Variants in DPH5 observed in about 807,000 individuals in gnomAD.
The protein encoded by DPH5 is diphthamide biosynthesis 5.
Under a neutral mutation model 31.6 loss-of-function variants are expected in DPH5, and 31 were observed. The observed-to-expected ratio is 0.98, with a 90% CI of 0.74 to 1.32. The LOEUF (loss-of-function observed/expected upper bound fraction) is 1.32. Ranked by LOEUF, DPH5 falls within the 40% of genes most tolerant of loss-of-function variation. The pLI is 0.00. For synonymous variants in DPH5, 120 were observed against 115.0 expected (o/e 1.04, Z -0.28); for missense variants, 309 against 335.7 (o/e 0.92, Z 0.62).
intron 6 of DPH5, among the ~76,000 whole-genome samples, chr1:100,994,041 CAA>C (rs1346490490): frequency 6.6e-6 from 1 of 151,694 alleles, no homozygotes; most frequent in African/African-American, 2.4e-5. Context: ...CACGCCCAGC[CAA>C]AAAAGGCAAA....
chr1:101,015,450 T>C (rs1030899014), intron 3 of DPH5, among the ~76,000 whole-genome samples: 4 of 152,254 alleles, frequency 2.6e-5, no homozygotes, highest in African/African-American at 9.6e-5. Flanking sequence ...CAGTGAACCA[T>C]GCTGTAAACA....
At position 100,989,904 on chromosome 1, in the gene DPH5, C is replaced by CA. The variant is rs1185496272; in HGVS notation, c.*503dup. ...CTGATGATATCATAGGGAAAAAACT[C>CA]ACTGCCACAAGAAACCAAGCATTGT... On this transcript the variant is annotated 3_prime_UTR_variant, in exon 8 of 8. Transcript: ENST00000370109. 1 of 153,998 alleles carries CA rather than the reference C, an allele frequency of 6.5e-6. No individual in the cohort carries two copies. The highest frequency in any genetic ancestry group is 1.4e-5 in the Non-Finnish European group (1 of 69,392). The allele number at this position is 153,998 out of a possible 1,614,324, so 9.5% of individuals were successfully genotyped here. A position where few individuals can be genotyped will look rare whatever the true frequency, so the allele number is the denominator to read the frequency against.
intron 4 of DPH5, among the ~76,000 whole-genome samples, chr1:101,006,210 G>A (rs182692876): frequency 3.3e-5 from 5 of 152,198 alleles, no homozygotes; most frequent in African/African-American, 9.6e-5. Flanking sequence ...CCAGTCTTGG[G>A]TATGTCTTTA....
intron 3 of DPH5, among the ~76,000 whole-genome samples, chr1:101,017,614 T>A (rs1660167634): frequency 6.6e-6 from 1 of 152,200 alleles, no homozygotes; most frequent in South Asian, 2.1e-4. Context: ...AACATTAGCA[T>A]GTCTGAGAAA....
At chr1:101,006,593 T>C (rs1028049301) in intron 4 of DPH5, among the ~76,000 whole-genome samples, 3 of 152,094 alleles carry the variant, frequency 2.0e-5, no homozygotes, top group Admixed American at 2.0e-4. Flanking sequence ...ACACTAAAAC[T>C]AGGTGTTCTT....
chr1:101,017,718 TAAC>T (rs1378712295), intron 3 of DPH5, among the ~76,000 whole-genome samples: 1 of 152,188 alleles, frequency 6.6e-6, no homozygotes, highest in Non-Finnish European at 1.5e-5. Context: ...AGATATATAT[TAAC>T]AAATTAACAA....
intron 6 of DPH5, among the ~76,000 whole-genome samples, chr1:100,994,877 T>C (rs1213248591): frequency 6.6e-6 from 1 of 152,172 alleles, no homozygotes; most frequent in Non-Finnish European, 1.5e-5. Context: ...CCACAAACAC[T>C]GAGTGTCTGT....
chr1:101,025,116 C>G (rs1660731707), intron 2 of DPH5, 193 bp downstream of exon 2: 1 of 646,702 alleles, frequency 1.5e-6, no homozygotes, highest in Middle Eastern at 4.3e-4. Flanking sequence ...TAGGACAAAG[C>G]ACCCTTTCAT....
In DPH5 at chr1:100,995,152, G is replaced by A. The variant is rs768930652; in HGVS notation, c.491-3C>T. 4 of 1,566,884 alleles carry A rather than the reference G, an allele frequency of 2.6e-6. No individual in the cohort carries two copies. Among genetic ancestry groups the A allele is most frequent in the Non-Finnish European group, 1.8e-6 (2 of 1,138,950 alleles). ...AGACTGCTCCTTTACTTTGATGTCT[G>A]TAGGAAGTAAAAATAGTTCTTTTAA... is the stretch of plus-strand genomic sequence containing the variant. On this transcript the variant is annotated splice_polypyrimidine_tract_variant and splice_region_variant and intron_variant, in intron 5 of 7. Transcript: ENST00000370109.
At position 100,990,472 on chromosome 1, in the gene DPH5, T is replaced by TC. The variant is rs766806247; in HGVS notation, c.793dup (p.Glu265GlyfsTer12). On this transcript the variant is annotated frameshift_variant, in exon 8 of 8. Coordinates refer to ENST00000370109, the MANE Select transcript of DPH5 (RefSeq NM_015958.3). LOFTEE classifies it high-confidence loss of function. ...TGGTATGGAAAACAGACTTAGCATCTCCATCTCCATTGGATGTATGCTGCC... is the reference window on the plus strand; with the variant it reads ...TGGTATGGAAAACAGACTTAGCATCTCCCATCTCCATTGGATGTATGCTGCC... 3 of 1,614,040 alleles carry TC rather than the reference T, an allele frequency of 1.9e-6. No homozygotes were observed. The African/African-American group carries it at 4.0e-5, about 22-fold the overall frequency.
chr1:101,003,581 C>T (rs541849366), intron 4 of DPH5, among the ~76,000 whole-genome samples: 9 of 152,232 alleles, frequency 5.9e-5, no homozygotes, highest in Admixed American at 2.0e-4. Context: ...TAACTGTAAA[C>T]ATAAAAATGT....
chr1:101,007,375 T>G (rs971460150), intron 4 of DPH5, among the ~76,000 whole-genome samples: 3 of 152,190 alleles, frequency 2.0e-5, no homozygotes, highest in Non-Finnish European at 2.9e-5. Context: ...ATTCTGTATG[T>G]CTAAGCTAAC....
At chr1:101,012,104 T>C (rs940409462) in intron 4 of DPH5, among the ~76,000 whole-genome samples, 2 of 151,974 alleles carry the variant, frequency 1.3e-5, no homozygotes, top group African/African-American at 4.8e-5. Context: ...TTTCACCATG[T>C]TGGCCAGGCT....
At position 101,001,519 on chromosome 1, in the gene DPH5, A is replaced by C; in HGVS notation, c.438T>G (p.Phe146Leu). 6.2e-7 allele frequency: 1 copy of C among 1,613,226 alleles called. No individual in the cohort carries two copies. Among genetic ancestry groups the C allele is most frequent in the Middle Eastern group, 1.7e-4 (1 of 6,056 alleles). The change falls in exon 5 of 8, where the codon TTT becomes TTG. Residue 146 changes from phenylalanine (F) to leucine (L), a missense_variant. By Grantham distance (22) the Phe-to-Leu change is conservative. Transcript: ENST00000370109. ...TTTGTCTGTTCTTCTTCACTTTGTC[A>C]AAGAAGCTTTCTGGTCTCCAAGTGT... ...WTDTWRPESF[F>L]DKVKKNRQNG...
intron 7 of DPH5, among the ~76,000 whole-genome samples, chr1:100,991,387 G>A (rs1217390184): frequency 6.6e-6 from 1 of 152,214 alleles, no homozygotes; most frequent in African/African-American, 2.4e-5. Context: ...AAACAGGAAT[G>A]CAGGAAACTT....
At chr1:101,020,069 A>T (rs1660337837) in intron 3 of DPH5, among the ~76,000 whole-genome samples, 1 of 152,222 alleles carries the variant, frequency 6.6e-6, no homozygotes, top group Non-Finnish European at 1.5e-5. Flanking sequence ...AGACTTCAAG[A>T]TTTAAGGCCA....
intron 6 of DPH5, among the ~76,000 whole-genome samples, chr1:100,993,711 T>G (rs1658056514): frequency 1.3e-5 from 2 of 150,402 alleles, no homozygotes; most frequent in Non-Finnish European, 3.0e-5. Context: ...AATCAAGTTT[T>G]CTAGTAGCCA....
At chr1:101,011,028 G>A (rs947205831) in intron 4 of DPH5, among the ~76,000 whole-genome samples, 2 of 152,066 alleles carry the variant, frequency 1.3e-5, no homozygotes, top group Non-Finnish European at 2.9e-5. Flanking sequence ...AGCCCTCTAG[G>A]TGATTCTAAT....
intron 7 of DPH5, among the ~76,000 whole-genome samples, chr1:100,991,788 C>CAAAAAAAAAAAAAAAAA (rs71084857): frequency 4.9e-5 from 5 of 101,032 alleles, no homozygotes; most frequent in Non-Finnish European, 8.0e-5. Flanking sequence ...GACCCCATCT[C>CAAAAAAAAAAAAAAAAA]AAAAAAAAAA....
Sources: gnomAD v4.1 joint callset for allele counts (sites outside exome capture counted in the v4.1 genomes callset) on GRCh38, gnomAD v4.1.1 for gene constraint, MANE v1.5 for transcripts, NCBI Gene and HGNC (gene_info 2026-07-23, HGNC 2026-07-21) for gene names.